The following DOCK4 variants were observed in gnomAD, a reference collection of about 807,000 sequenced individuals.
DOCK4 encodes dedicator of cytokinesis protein 4.
DOCK4 carries 97 observed loss-of-function variants against 268.1 expected under a neutral mutation model. The ratio of observed to expected loss-of-function variants is 0.36; its 90% CI spans 0.31 to 0.43. The LOEUF is 0.43. Ranked by LOEUF, DOCK4 falls within the 20% of genes least tolerant of loss-of-function variation. The pLI is 1.00. For synonymous variants in DOCK4, 954 were observed against 887.2 expected (o/e 1.08, Z -1.34); for missense variants, 2,145 against 2,455.7 (o/e 0.87, Z 2.67).
intron 16 of DOCK4, among the ~76,000 whole-genome samples, chr7:111,882,684 C>T (rs1243547163): frequency 6.6e-6 from 1 of 151,082 alleles, no homozygotes; most frequent in African/African-American, 2.4e-5. Context: ...GTGATCTCGG[C>T]TCACCACAAC....
chr7:112,109,250 G>GCAAAA (rs1426140508), intron 1 of DOCK4, among the ~76,000 whole-genome samples: 2 of 151,930 alleles, frequency 1.3e-5, no homozygotes, highest in South Asian at 4.1e-4. Flanking sequence ...ATTTCCCCAC[G>GCAAAA]CAAAACAAAA....
chr7:111,971,068 T>C (rs1310625224), intron 8 of DOCK4, among the ~76,000 whole-genome samples: 1 of 152,228 alleles, frequency 6.6e-6, no homozygotes, highest in Non-Finnish European at 1.5e-5. Context: ...AAGGGAGTAC[T>C]TTTACATGCT....
At chr7:112,004,290 T>C in intron 1 of DOCK4, 159 bp from the exon 2 acceptor site, 1 of 574,370 alleles carries the variant, frequency 1.7e-6, no homozygotes, top group Non-Finnish European at 3.0e-6. Context: ...AGAAAATCAC[T>C]AAGTTCACAT....
intron 1 of DOCK4, among the ~76,000 whole-genome samples, chr7:112,139,294 C>T (rs373593594): frequency 6.6e-6 from 1 of 151,994 alleles, no homozygotes; most frequent in Non-Finnish European, 1.5e-5. Flanking sequence ...CAAAAAATAC[C>T]CCCAAAAAGG....
At position 111,989,152 on chromosome 7, in the gene DOCK4, G is replaced by A. The variant is rs758422448; in HGVS notation, c.327C>T (p.Gly109=). ...MWKQLYVRNE[G]DLFHRLWHIM... The stretch of plus-strand genomic sequence containing the variant: ...TGTGCCACAGCCGGTGGAAGAGATC[G>A]CCTTCATTACGCTAAGAAATATACA... Residue 109 remains glycine, a synonymous_variant, in exon 6 of 53, where the codon GGC becomes GGT. Transcript: ENST00000428084. The A allele has an allele frequency of 3.6e-5, 58 of 1,613,802 alleles. No homozygotes were observed. Among genetic ancestry groups the A allele is most frequent in the Middle Eastern group, 3.3e-4 (2 of 6,084 alleles).
At chr7:111,733,162 CTG>C (rs1377639646) in intron 51 of DOCK4, among the ~76,000 whole-genome samples, 1 of 152,222 alleles carries the variant, frequency 6.6e-6, no homozygotes, top group African/African-American at 2.4e-5. Flanking sequence ...ACTCTCCCAG[CTG>C]TCACAGTGAG....
chr7:111,929,181 TACAC>T (rs1159437491), intron 12 of DOCK4, among the ~76,000 whole-genome samples: 1 of 152,152 alleles, frequency 6.6e-6, no homozygotes, highest in African/African-American at 2.4e-5. Context: ...TGTACATATA[TACAC>T]ACACAAACAT....
intron 27 of DOCK4, among the ~76,000 whole-genome samples, chr7:111,818,861 G>T (rs1801762877): frequency 6.6e-6 from 1 of 152,194 alleles, no homozygotes; most frequent in Non-Finnish European, 1.5e-5. Flanking sequence ...CCCCTGCTAA[G>T]CTTTCAGTTC....
chr7:112,150,040 T>C (rs1815909314), intron 1 of DOCK4, among the ~76,000 whole-genome samples: 1 of 152,184 alleles, frequency 6.6e-6, no homozygotes, highest in Non-Finnish European at 1.5e-5. Flanking sequence ...GAAAGTCTTA[T>C]TATTGTCCAC....
intron 1 of DOCK4, among the ~76,000 whole-genome samples, chr7:112,161,453 C>T (rs575137665): frequency 6.6e-6 from 1 of 152,268 alleles, no homozygotes; most frequent in East Asian, 1.9e-4. Context: ...TAGAAAGCTA[C>T]ACTTCCTATA....
intron 1 of DOCK4, among the ~76,000 whole-genome samples, chr7:112,157,952 C>G (rs1452686736): frequency 2.6e-5 from 4 of 151,938 alleles, no homozygotes; most frequent in African/African-American, 9.7e-5. Flanking sequence ...CTAGTAAGGC[C>G]TATAAATTGT....
chr7:111,817,437 G>A (rs567202076), intron 27 of DOCK4, among the ~76,000 whole-genome samples: 14 of 151,782 alleles, frequency 9.2e-5, no homozygotes, highest in African/African-American at 3.4e-4. Flanking sequence ...ATAAACTGTC[G>A]ACGCTCCTAC....
intron 1 of DOCK4, among the ~76,000 whole-genome samples, chr7:112,014,022 C>A (rs926904607): frequency 6.6e-6 from 1 of 152,298 alleles, no homozygotes; most frequent in African/African-American, 2.4e-5. Context: ...GATGAAATCA[C>A]CAAGGTGTGC....
chr7:112,078,797 T>G (rs947101078), intron 1 of DOCK4, among the ~76,000 whole-genome samples: 1 of 152,106 alleles, frequency 6.6e-6, no homozygotes, highest in Non-Finnish European at 1.5e-5. Flanking sequence ...GCTCCAAACA[T>G]AGACCAGTAC....
At chr7:111,864,276 T>C (rs61175977) in intron 22 of DOCK4, among the ~76,000 whole-genome samples, 3,200 of 149,328 alleles carry the variant, frequency 0.021, 119 homozygotes, top group African/African-American at 0.074. Context: ...TCATTTTTTA[T>C]GGGGAAAAAA....
At chr7:112,144,194 T>C (rs1815210545) in intron 1 of DOCK4, among the ~76,000 whole-genome samples, 1 of 152,186 alleles carries the variant, frequency 6.6e-6, no homozygotes, top group African/African-American at 2.4e-5. Context: ...ACAAGACACA[T>C]GGACACAAGA....
At chr7:111,948,992 G>C (rs1562927235) in intron 8 of DOCK4, among the ~76,000 whole-genome samples, 1 of 151,294 alleles carries the variant, frequency 6.6e-6, no homozygotes, top group Non-Finnish European at 1.5e-5. Context: ...TAAGAACTCA[G>C]CTTTACTTAG....
chr7:112,017,898 C>T (rs981658823), intron 1 of DOCK4, among the ~76,000 whole-genome samples: 3 of 152,030 alleles, frequency 2.0e-5, no homozygotes, highest in Non-Finnish European at 2.9e-5. Context: ...TAGGAACACT[C>T]ACATCATTCT....
Position 112,101,845 on chromosome 7 carries a change from C to T in DOCK4, c.38-97714G>A, listed in dbSNP as rs372338883. Among the ~76,000 whole-genome samples, 5 of 146,368 alleles carry T rather than the reference C, an allele frequency of 3.4e-5. No homozygotes were observed. The East Asian group carries it at 8.1e-4, about 24-fold the overall frequency. On this transcript the variant is annotated intron_variant, in intron 1 of 52. Transcript: ENST00000428084. ...TCTGAGACCTTTTCTTTTTCTTTTT[C>T]TTTTTTTTTTTTTTGAGACAAGAGT...
Sources: allele counts gnomAD v4.1 joint callset (sites outside exome capture counted in the v4.1 genomes callset), GRCh38; gene constraint gnomAD v4.1.1; transcripts MANE v1.5; gene names NCBI Gene and HGNC (gene_info 2026-07-23, HGNC 2026-07-21).